Variants in ANGPTL4 observed in about 807,000 individuals in gnomAD.
The protein encoded by ANGPTL4 is angiopoietin like 4.
In ANGPTL4, 39 loss-of-function variants were observed where a neutral mutation model predicts 39.2. The ratio of observed to expected loss-of-function variants is 1.00; its 90% CI spans 0.77 to 1.30. ANGPTL4 has a LOEUF of 1.30. ANGPTL4 is among the 50% of genes most tolerant of loss of function. The pLI, the probability that ANGPTL4 is intolerant of heterozygous loss-of-function variation, is 0.00. For missense variants in ANGPTL4, 545 were observed against 549.8 expected (o/e 0.99, Z 0.09); for synonymous variants, 233 against 229.5 (o/e 1.02, Z -0.14).
intron 1 of ANGPTL4, among the ~76,000 whole-genome samples, chr19:8,365,034 G>T (rs1368122224): frequency 6.6e-6 from 1 of 152,062 alleles, no homozygotes; most frequent in Non-Finnish European, 1.5e-5. Flanking sequence ...GCCTGGCATG[G>T]TGTGCATGCC....
At chr19:8,372,247 C>T (rs887315069) in intron 6 of ANGPTL4, among the ~76,000 whole-genome samples, 6 of 150,732 alleles carry the variant, frequency 4.0e-5, no homozygotes, top group African/African-American at 1.5e-4. Context: ...TTAGTAGAGA[C>T]GGGGTTTCAC....
intron 1 of ANGPTL4, among the ~76,000 whole-genome samples, chr19:8,365,187 T>C (rs10405340): frequency 0.05 from 7,183 of 143,172 alleles, 570 homozygotes; most frequent in African/African-American, 0.17. Flanking sequence ...AGCGATAAAA[T>C]AAAAATAAAG....
In ANGPTL4 at chr19:8,364,344, G is replaced by A. The variant is rs993269648; in HGVS notation, c.23G>A (p.Gly8Glu). The A allele has an allele frequency of 7.2e-5, 112 of 1,547,598 alleles. No homozygotes were observed. Among genetic ancestry groups the A allele is most frequent in the Non-Finnish European group, 8.9e-5 (103 of 1,151,130 alleles). Residue 8 changes from glycine to glutamate, a missense_variant, in exon 1 of 7, where the codon GGG becomes GAG. By Grantham distance (98) the Gly-to-Glu change is moderately conservative. Coordinates refer to ENST00000301455, the MANE Select transcript of ANGPTL4 (RefSeq NM_139314.3). ...AGGATGAGCGGTGCTCCGACGGCCG[G>A]GGCAGCCCTGATGCTCTGCGCCGCC... MSGAPTA[G>E]AALMLCAATA...
At chr19:8,369,396 G>T (rs1971070668) in intron 4 of ANGPTL4, 64 bp downstream of exon 4, 2 of 1,259,350 alleles carry the variant, frequency 1.6e-6, no homozygotes, top group Non-Finnish European at 2.3e-6. Flanking sequence ...TCTTTAAATT[G>T]AAAACAAAAC....
At chr19:8,369,069 T>C in intron 3 of ANGPTL4, 150 bp from the exon 4 acceptor site, 1 of 631,478 alleles carries the variant, frequency 1.6e-6, no homozygotes, top group Non-Finnish European at 2.8e-6. Context: ...ATGGAAGAGG[T>C]TAGGCAGATG....
intron 6 of ANGPTL4, among the ~76,000 whole-genome samples, chr19:8,372,501 C>T (rs1971143081): frequency 1.8e-5 from 1 of 55,372 alleles, no homozygotes; most frequent in African/African-American, 7.2e-5. Flanking sequence ...TCAAGCAATT[C>T]TCAAAAAAAA....
intron 1 of ANGPTL4, 61 bp downstream of exon 1, chr19:8,364,700 T>C (rs539802272): frequency 1.1e-4 from 165 of 1,539,060 alleles, no homozygotes; most frequent in Middle Eastern, 7.1e-4. Flanking sequence ...TGGAAGGGTA[T>C]GGACAGGAGT....
At chr19:8,366,446 C>T (rs1171300140) in intron 3 of ANGPTL4, 127 bp downstream of exon 3, 1 of 1,077,478 alleles carries the variant, frequency 9.3e-7, no homozygotes, top group Non-Finnish European at 1.4e-6. Flanking sequence ...TGAGGGCTCA[C>T]CAGTCTCTGG....
At position 8,364,297 on chromosome 19, in the gene ANGPTL4, C is replaced by G. The variant is rs757440743; in HGVS notation, c.-25C>G. 1 of 1,531,958 alleles carries G rather than the reference C, an allele frequency of 6.5e-7. No individual in the cohort carries two copies. Among genetic ancestry groups the G allele is most frequent in the Non-Finnish European group, 8.8e-7 (1 of 1,142,582 alleles). 94.9% of individuals were successfully genotyped at this position (1,531,958 alleles called of 1,614,324 possible). On this transcript the variant is annotated 5_prime_UTR_variant, in exon 1 of 7. In the 5' UTR this introduces an upstream ATG that the reference lacks. Transcript: ENST00000301455. ...CCAACGTCCCCGAGAGTCCCCGAATCCCCGCTCCCAGGCTACCTAAGAGGA... is the reference window on the plus strand; with the variant it reads ...CCAACGTCCCCGAGAGTCCCCGAATGCCCGCTCCCAGGCTACCTAAGAGGA...
At chr19:8,368,799 G>C (rs35036141) in intron 3 of ANGPTL4, among the ~76,000 whole-genome samples, 16,679 of 152,240 alleles carry the variant, frequency 0.11, 1,077 homozygotes, top group Middle Eastern at 0.17. Flanking sequence ...AGGTTGCAGT[G>C]AGCCAAGATT....
rs1383566595 is a variant in ANGPTL4 at position 8,371,867 on chromosome 19, C to T, written c.1039+345C>T. On this transcript the variant is annotated intron_variant, in intron 6 of 6. Transcript: ENST00000301455. This position sits in a 1 kb window ranked among gnomAD's most constrained non-coding sequence, Gnocchi z 5.1. Reference sequence around the variant, plus strand: ...CCACCTCCTGAGTTCACACCATTCTCCTGCCTCAGCCTCCCGAGTAGCTGG... The same window carrying T: ...CCACCTCCTGAGTTCACACCATTCTTCTGCCTCAGCCTCCCGAGTAGCTGG... Among the ~76,000 whole-genome samples the T allele has an allele frequency of 2.0e-5, 3 of 152,124 alleles. No individual in the cohort carries two copies. The highest frequency in any genetic ancestry group is 4.4e-5 in the Non-Finnish European group (3 of 68,030).
rs768545199 is a variant in ANGPTL4 at position 8,366,003 on chromosome 19, T to C, written c.368T>C (p.Val123Ala). The change falls in exon 2 of 7, where the codon GTG becomes GCG. Residue 123 changes from valine to alanine, a missense_variant. Physicochemically the swap from Val to Ala is moderately conservative, Grantham distance 64. Transcript: ENST00000301455. ...NSRIQQLFHK[V>A]AQQQRHLEKQ... Reference sequence around the variant, plus strand: ...AGGATCCAGCAACTCTTCCACAAGGTGGCCCAGCAGCAGCGGCACCTGGAG... The same window carrying C: ...AGGATCCAGCAACTCTTCCACAAGGCGGCCCAGCAGCAGCGGCACCTGGAG... 3 of 1,613,958 alleles carry C rather than the reference T, an allele frequency of 1.9e-6. No homozygotes were observed. Among genetic ancestry groups the C allele is most frequent in the Non-Finnish European group, 1.7e-6 (2 of 1,179,992 alleles).
intron 3 of ANGPTL4, among the ~76,000 whole-genome samples, chr19:8,367,686 C>T (rs1486407382): frequency 6.6e-6 from 1 of 152,186 alleles, no homozygotes; most frequent in Non-Finnish European, 1.5e-5. Flanking sequence ...CCTCCTCCCT[C>T]CCTCTTTCTT....
At position 8,371,510 on chromosome 19, in the gene ANGPTL4, A is replaced by G. The variant is rs1396688953; in HGVS notation, c.1027A>G (p.Lys343Glu). Residue 343 changes from lysine to glutamate, a missense_variant, in exon 6 of 7, where the codon AAG becomes GAG. Transcript: ENST00000301455. The surrounding 1 kb of genome is among the most constrained non-coding windows in gnomAD (Gnocchi z 5.1). ...CCTCCGCAGGGACAAGAACTGCGCC[A>G]AGAGCCTCTCTGGTGAGCAGGCCCT... ...HDLRRDKNCA[K>E]SLSGGWWFGT... 2 of 1,612,828 alleles carry G rather than the reference A, an allele frequency of 1.2e-6. No homozygotes were observed. The highest frequency in any genetic ancestry group is 1.7e-6 in the Non-Finnish European group (2 of 1,180,022).
chr19:8,366,442 C>T, intron 3 of ANGPTL4, 123 bp downstream of exon 3: 1 of 1,089,580 alleles, frequency 9.2e-7, no homozygotes, highest in Non-Finnish European at 1.4e-6. Context: ...TCCCTGAGGG[C>T]TCACCAGTCT....
intron 6 of ANGPTL4, among the ~76,000 whole-genome samples, chr19:8,373,175 A>C (rs929970513): frequency 6.6e-6 from 1 of 151,546 alleles, no homozygotes; most frequent in African/African-American, 2.4e-5. Flanking sequence ...GAGGCTGAGG[A>C]GGGTGGATCA....
chr19:8,366,180 C>A, intron 2 of ANGPTL4, 22 bp from the exon 3 acceptor site: 1 of 1,612,824 alleles, frequency 6.2e-7, no homozygotes, highest in Non-Finnish European at 8.5e-7. Flanking sequence ...GGACCTGACA[C>A]CCTCCTCCCG....
Position 8,364,474 on chromosome 19 carries a change from C to T in ANGPTL4, c.153C>T (p.Leu51=), listed in dbSNP as rs1303896804. 8 of 1,563,740 alleles carry T rather than the reference C, an allele frequency of 5.1e-6. No homozygotes were observed. The highest frequency in any genetic ancestry group is 2.4e-5 in the East Asian group (1 of 42,366). ...MNVLAHGLLQ[L]GQGLREHAER... is the part of the protein sequence containing the mutation. ...TCCTGGCGCACGGACTCCTGCAGCTCGGCCAGGGGCTGCGCGAACACGCGG... is the reference window on the plus strand; with the variant it reads ...TCCTGGCGCACGGACTCCTGCAGCTTGGCCAGGGGCTGCGCGAACACGCGG... Residue 51 remains leucine, a synonymous_variant, in exon 1 of 7, where the codon CTC becomes CTT. Coordinates refer to ENST00000301455, the MANE Select transcript of ANGPTL4 (RefSeq NM_139314.3).
rs202038040 is a variant in ANGPTL4, at chr19:8,369,342, G to A, written c.661+10G>A. ...TGCAAGATGACCTCAGGTAGGGTGT[G>A]TTAGTCCACCAGGGGCCCCTCTCCC... On this transcript the variant is annotated intron_variant, in intron 4 of 6. Coordinates refer to ENST00000301455, the MANE Select transcript of ANGPTL4 (RefSeq NM_139314.3). 69 of 1,604,172 alleles carry A rather than the reference G, an allele frequency of 4.3e-5. No homozygotes were observed. The African/African-American group carries it at 8.6e-4, about 20-fold the overall frequency.
Sources: allele counts gnomAD v4.1 joint callset (sites outside exome capture counted in the v4.1 genomes callset), GRCh38; gene constraint gnomAD v4.1.1; non-coding constraint Gnocchi (gnomAD v3.1); transcripts MANE v1.5; gene names NCBI Gene and HGNC (gene_info 2026-07-23, HGNC 2026-07-21).